CPEB1: variants seen among roughly 807,000 people sequenced by gnomAD.
The protein encoded by CPEB1 is cytoplasmic polyadenylation element-binding protein 1.
Under a neutral mutation model 65.8 loss-of-function variants are expected in CPEB1, and 7 were observed. The observed-to-expected ratio is 0.11, with a 90% CI of 0.06 to 0.20. The LOEUF (loss-of-function observed/expected upper bound fraction) is 0.20. Among genes scored for constraint, CPEB1 ranks in the 10% least tolerant of loss-of-function variants. CPEB1 has a pLI of 1.00. For missense variants in CPEB1, 551 were observed against 712.2 expected, an observed-to-expected ratio of 0.77 and a Z score of 2.58; for synonymous variants, 262 against 260.0, an observed-to-expected ratio of 1.01 and a Z score of -0.08.
At chr15:82,631,500 G>A (rs1183731324) in intron 1 of CPEB1, among the ~76,000 whole-genome samples, 1 of 152,066 alleles carries the variant, frequency 6.6e-6, no homozygotes, top group Non-Finnish European at 1.5e-5. Flanking sequence ...AGGGATAAAA[G>A]TAATACTATC....
chr15:82,593,651 C>A (rs554850555), intron 3 of CPEB1, among the ~76,000 whole-genome samples: 4 of 152,288 alleles, frequency 2.6e-5, no homozygotes, highest in African/African-American at 7.2e-5. Flanking sequence ...ATAATGAATC[C>A]TTTCCAGAAG....
intron 3 of CPEB1, among the ~76,000 whole-genome samples, chr15:82,601,509 C>T (rs2043118867): frequency 6.6e-6 from 1 of 152,062 alleles, no homozygotes; most frequent in African/African-American, 2.4e-5. Context: ...CCACTGCACT[C>T]CAGCCTGGGC....
intron 3 of CPEB1, among the ~76,000 whole-genome samples, chr15:82,626,575 C>G (rs895872084): frequency 6.6e-6 from 1 of 152,218 alleles, no homozygotes; most frequent in African/African-American, 2.4e-5. Flanking sequence ...TGGAAAGAGT[C>G]AACTTCAGGG....
chr15:82,552,686 G>A, intron 8 of CPEB1, 70 bp from the exon 9 acceptor site: 1 of 1,527,538 alleles, frequency 6.5e-7, no homozygotes. Flanking sequence ...TGGCTTTGCA[G>A]CAGGGCGTTT....
intron 3 of CPEB1, among the ~76,000 whole-genome samples, chr15:82,582,351 T>A (rs1446333033): frequency 6.6e-6 from 1 of 152,208 alleles, no homozygotes; most frequent in Non-Finnish European, 1.5e-5. Context: ...GATAAAAATC[T>A]CTGGGACAAA....
At position 82,614,458 on chromosome 15, in the gene CPEB1, C is replaced by T. The variant is rs1476205280; in HGVS notation, c.271+12735G>A. On this transcript the variant is annotated intron_variant, in intron 3 of 12. Transcript: ENST00000684509. The stretch of plus-strand genomic sequence containing the variant: ...ACTAGTCCAAGAATTAAACAAAACA[C>T]AATGATAATCTAAGTAATCACTAAA... 2.0e-5 allele frequency among the ~76,000 whole-genome samples: 3 copies of T among 152,262 alleles called. No individual in the cohort carries two copies. The East Asian group carries it at 5.8e-4, about 29-fold the overall frequency.
intron 3 of CPEB1, among the ~76,000 whole-genome samples, chr15:82,589,825 A>G (rs941786909): frequency 6.6e-5 from 10 of 152,218 alleles, no homozygotes; most frequent in Non-Finnish European, 1.2e-4. Flanking sequence ...AAATGTGTCC[A>G]TATTAAACAT....
At position 82,556,122 on chromosome 15, in the gene CPEB1, A is replaced by G; in HGVS notation, c.688T>C (p.Ser230Pro). 6.3e-7 allele frequency: 1 copy of G among 1,595,756 alleles called. No homozygotes were observed. Among genetic ancestry groups the G allele is most frequent in the Non-Finnish European group, 8.5e-7 (1 of 1,174,402 alleles). The change falls in exon 6 of 13, where the codon TCA becomes CCA. Residue 230 changes from serine to proline, a missense_variant and splice_region_variant. Physicochemically the swap from Ser to Pro is moderately conservative, Grantham distance 74. This residue lies in a region of CPEB1 where 128 missense variants were observed against 129.1 expected (regional missense o/e 0.99). Transcript: ENST00000684509. ...SGSDHLSDLI[S>P]SLRISPPLPF... Reference sequence around the variant, plus strand: ...AGAGGTGGAGAAATGCGAAGGCTTGACTAGGGGAGGAAAAAGGAAGACAGG... The same window carrying G: ...AGAGGTGGAGAAATGCGAAGGCTTGGCTAGGGGAGGAAAAAGGAAGACAGG...
intron 3 of CPEB1, among the ~76,000 whole-genome samples, chr15:82,616,860 CAT>C (rs1352636678): frequency 6.6e-6 from 1 of 152,176 alleles, no homozygotes; most frequent in Non-Finnish European, 1.5e-5. Context: ...AGCTTTGAGA[CAT>C]AACTGACATA....
At chr15:82,586,686 T>G (rs957890039) in intron 3 of CPEB1, among the ~76,000 whole-genome samples, 1 of 152,202 alleles carries the variant, frequency 6.6e-6, no homozygotes, top group Non-Finnish European at 1.5e-5. Context: ...GGAAAGAATC[T>G]AAAGAAGTTG....
chr15:82,590,773 T>C (rs956878516), intron 3 of CPEB1, among the ~76,000 whole-genome samples: 1 of 152,176 alleles, frequency 6.6e-6, no homozygotes, highest in African/African-American at 2.4e-5. Flanking sequence ...TGGTATTTGA[T>C]TTTGTGATCC....
At chr15:82,631,825 C>T (rs2046271972) in intron 1 of CPEB1, among the ~76,000 whole-genome samples, 1 of 151,696 alleles carries the variant, frequency 6.6e-6, no homozygotes. Context: ...GAATCCACTA[C>T]AGGTTCAGTA....
chr15:82,641,169 T>A (rs952634520), intron 1 of CPEB1, among the ~76,000 whole-genome samples: 2 of 152,042 alleles, frequency 1.3e-5, no homozygotes, highest in Non-Finnish European at 2.9e-5. Flanking sequence ...CAACTCCAAG[T>A]TATATGTAGG....
chr15:82,641,940 T>C (rs184113911), intron 1 of CPEB1, among the ~76,000 whole-genome samples: 54 of 152,314 alleles, frequency 3.5e-4, no homozygotes, highest in African/African-American at 1.2e-3. Flanking sequence ...ATAAAATTCA[T>C]TGGAAATTAC....
At chr15:82,614,910 TCA>T (rs2044567508) in intron 3 of CPEB1, among the ~76,000 whole-genome samples, 1 of 151,696 alleles carries the variant, frequency 6.6e-6, no homozygotes, top group Admixed American at 6.6e-5. Context: ...GCCAACGCTC[TCA>T]CAACTGCATC....
intron 4 of CPEB1, among the ~76,000 whole-genome samples, chr15:82,566,441 G>A (rs2039134812): frequency 6.6e-6 from 1 of 152,128 alleles, no homozygotes; most frequent in Admixed American, 6.5e-5. Flanking sequence ...ATAGGAAGGG[G>A]GGAGAGTAGC....
chr15:82,567,744 T>G (rs2039391020), intron 4 of CPEB1, among the ~76,000 whole-genome samples: 1 of 152,212 alleles, frequency 6.6e-6, no homozygotes, highest in African/African-American at 2.4e-5. Flanking sequence ...AACCTTAGAC[T>G]GCACATCTGG....
intron 3 of CPEB1, among the ~76,000 whole-genome samples, chr15:82,612,357 C>G (rs1192970163): frequency 2.6e-5 from 4 of 151,732 alleles, no homozygotes; most frequent in Non-Finnish European, 5.9e-5. Context: ...ATTAGCCAGC[C>G]ATGGTGGAGC....
intron 3 of CPEB1, among the ~76,000 whole-genome samples, chr15:82,598,966 T>A (rs372159458): frequency 5.3e-5 from 8 of 152,112 alleles, no homozygotes; most frequent in African/African-American, 1.7e-4. Flanking sequence ...AGTAAAAAAA[T>A]TTTAACTCTT....
Sources: allele counts gnomAD v4.1 joint callset (sites outside exome capture counted in the v4.1 genomes callset), GRCh38; gene constraint gnomAD v4.1.1; regional missense constraint gnomAD v4.1.1; transcripts MANE v1.5; gene names NCBI Gene and HGNC (gene_info 2026-07-23, HGNC 2026-07-21).